Variants in ANKRD10 observed in about 807,000 individuals in gnomAD.
The protein encoded by ANKRD10 is ankyrin repeat domain-containing protein 10.
ANKRD10 carries 14 observed loss-of-function variants against 27.0 expected under a neutral mutation model. The ratio of observed to expected loss-of-function variants is 0.52; its 90% CI spans 0.34 to 0.81. The LOEUF (loss-of-function observed/expected upper bound fraction) is 0.81. Among genes scored for constraint, ANKRD10 ranks in the 40% least tolerant of loss-of-function variants. The pLI is 0.01. For missense variants in ANKRD10, 493 were observed against 544.0 expected (o/e 0.91, Z 0.93); for synonymous variants, 250 against 224.5 (o/e 1.11, Z -1.01).
rs1189391705 is a variant in ANKRD10 at position 110,878,669 on chromosome 13, A to T, written c.*968T>A. The T allele has an allele frequency of 6.5e-6, 1 of 152,676 alleles. No homozygotes were observed. Among genetic ancestry groups the T allele is most frequent in the African/African-American group, 2.4e-5 (1 of 41,462 alleles). 9.5% of individuals were successfully genotyped at this position (152,676 alleles called of 1,614,324 possible). ...CAATTTTTATTACAAAAATCAAAAA[A>T]GTAAAAATTCATTACAATATTTGCA... On this transcript the variant is annotated 3_prime_UTR_variant, in exon 6 of 6. Transcript: ENST00000267339.
intron 1 of ANKRD10, among the ~76,000 whole-genome samples, chr13:110,913,453 C>T (rs1393860806): frequency 6.6e-6 from 1 of 152,238 alleles, no homozygotes; most frequent in Admixed American, 6.5e-5. Context: ...ACTTCAGAGA[C>T]AGTGCCACAG....
At chr13:110,894,182 A>G in intron 3 of ANKRD10, 3 of 1,612,070 alleles carry the variant, frequency 1.9e-6, no homozygotes, top group Non-Finnish European at 2.5e-6. Context: ...ACAAGAATGT[A>G]CACTGCTCTG....
intron 3 of ANKRD10, chr13:110,893,967 GAACCA>G (rs2065150672): frequency 1.7e-6 from 1 of 593,542 alleles, no homozygotes; most frequent in East Asian, 2.9e-5. Context: ...CCACTCACAA[GAACCA>G]AAGTTTTACC....
intron 4 of ANKRD10, among the ~76,000 whole-genome samples, chr13:110,891,008 C>T (rs1011489030): frequency 2.7e-5 from 4 of 148,252 alleles, no homozygotes; most frequent in Non-Finnish European, 3.1e-5. Context: ...TTCAACTGAC[C>T]TTAGAAACTC....
intron 3 of ANKRD10, among the ~76,000 whole-genome samples, chr13:110,898,750 CTTTTTTTTTT>C (rs56176208): frequency 5.6e-5 from 6 of 106,558 alleles, no homozygotes; most frequent in South Asian, 6.1e-4. Flanking sequence ...TTTTTCTTTT[CTTTTTTTTTT>C]TTTTTTTTTT....
intron 2 of ANKRD10, among the ~76,000 whole-genome samples, chr13:110,908,527 G>C (rs2138886157): frequency 6.6e-6 from 1 of 152,268 alleles, no homozygotes; most frequent in South Asian, 2.1e-4. Context: ...TAACAGACTA[G>C]AAATTGGCTT....
intron 5 of ANKRD10, among the ~76,000 whole-genome samples, chr13:110,880,632 T>TA (rs147851327): frequency 0.02 from 3,040 of 152,314 alleles, 97 homozygotes; most frequent in African/African-American, 0.069. Context: ...ATGAGGTTTT[T>TA]AAAAAATCTT....
At chr13:110,885,286 C>T (rs2064898873) in intron 4 of ANKRD10, among the ~76,000 whole-genome samples, 1 of 151,998 alleles carries the variant, frequency 6.6e-6, no homozygotes. Flanking sequence ...GGCATGGTGG[C>T]TCATGCCTGT....
chr13:110,894,055 A>G, intron 3 of ANKRD10: 1 of 1,266,520 alleles, frequency 7.9e-7, no homozygotes, highest in Non-Finnish European at 1.1e-6. Context: ...GTAGGAAGTG[A>G]TGGCAGAGTA....
chr13:110,913,010 A>C (rs1474008797), intron 1 of ANKRD10, among the ~76,000 whole-genome samples: 1 of 152,262 alleles, frequency 6.6e-6, no homozygotes, highest in Non-Finnish European at 1.5e-5. Flanking sequence ...GTCCCATGGA[A>C]GTAGACTTTT....
chr13:110,889,235 GCAT>G (rs1451090253), intron 4 of ANKRD10, among the ~76,000 whole-genome samples: 1 of 152,152 alleles, frequency 6.6e-6, no homozygotes, highest in Admixed American at 6.5e-5. Context: ...TGAAGCCCAT[GCAT>G]CATACCATCA....
At position 110,894,185 on chromosome 13, in the gene ANKRD10, C is replaced by T. The variant is rs188481938; in HGVS notation, c.456-922G>A. On this transcript the variant is annotated intron_variant, in intron 3 of 5. Coordinates refer to ENST00000267339, the MANE Select transcript of ANKRD10 (RefSeq NM_017664.4). Reference sequence around the variant, plus strand: ...TTCCCCTGGAAGACAAGAATGTACACTGCTCTGTGAAATAAACCTGTAAAA... The same window carrying T: ...TTCCCCTGGAAGACAAGAATGTACATTGCTCTGTGAAATAAACCTGTAAAA... The T allele has an allele frequency of 3.8e-5, 61 of 1,611,834 alleles. No homozygotes were observed. The Admixed American group carries it at 7.5e-4, about 20-fold the overall frequency.
In ANKRD10 at chr13:110,879,109, T is replaced by A. The variant is rs1282036355; in HGVS notation, c.*528A>T. The stretch of plus-strand genomic sequence containing the variant: ...TAAAACCTTCAACCACATGGTGATC[T>A]GCAAAGCTTCATTGAAAAAGACAAA... On this transcript the variant is annotated 3_prime_UTR_variant, in exon 6 of 6. Transcript: ENST00000267339. 6.2e-6 allele frequency: 1 copy of A among 161,004 alleles called. No homozygotes were observed. Among genetic ancestry groups the A allele is most frequent in the Non-Finnish European group, 1.4e-5 (1 of 72,224 alleles). 10.0% of individuals were successfully genotyped at this position (161,004 alleles called of 1,614,324 possible).
intron 4 of ANKRD10, among the ~76,000 whole-genome samples, chr13:110,884,714 A>T (rs1370649480): frequency 6.6e-6 from 1 of 152,186 alleles, no homozygotes; most frequent in Non-Finnish European, 1.5e-5. Flanking sequence ...TGAATACCAC[A>T]ATTAACATAC....
chr13:110,881,465 C>CT (rs3839994), intron 5 of ANKRD10, among the ~76,000 whole-genome samples: 78 of 151,874 alleles, frequency 5.1e-4, no homozygotes, highest in African/African-American at 1.5e-3. Flanking sequence ...ATTAATCATC[C>CT]TTTTTTTTTA....
At position 110,914,818 on chromosome 13, in the gene ANKRD10, G is replaced by C; in HGVS notation, c.117C>G (p.Cys39Trp). 6.3e-7 allele frequency: 1 copy of C among 1,588,976 alleles called. No individual in the cohort carries two copies. Among genetic ancestry groups the C allele is most frequent in the Middle Eastern group, 1.7e-4 (1 of 5,752 alleles). ...ACRDGDLATL[C>W]SLLQQTPHAH... Reference sequence around the variant, plus strand: ...CGTGGGGTGTCTGCTGCAGCAGCGAGCAGAGCGTGGCCAGGTCCCCGTCGC... The same window carrying C: ...CGTGGGGTGTCTGCTGCAGCAGCGACCAGAGCGTGGCCAGGTCCCCGTCGC... The change falls in exon 1 of 6, where the codon TGC becomes TGG. Residue 39 changes from cysteine to tryptophan, a missense_variant. Physicochemically the swap from Cys to Trp is radical, Grantham distance 215 (BLOSUM62 -2). Transcript: ENST00000267339.
intron 4 of ANKRD10, among the ~76,000 whole-genome samples, chr13:110,885,805 C>G (rs2064914528): frequency 6.6e-6 from 1 of 152,160 alleles, no homozygotes; most frequent in Non-Finnish European, 1.5e-5. Context: ...GCTTAAAATA[C>G]CTACACACTC....
At chr13:110,894,410 A>AAAAAAC (rs1305707594) in intron 3 of ANKRD10, 1 of 278,416 alleles carries the variant, frequency 3.6e-6, no homozygotes, top group Non-Finnish European at 6.7e-6. Context: ...ATGCAAAAAA[A>AAAAAAC]AAAAAAAAAA....
At chr13:110,905,347 C>T (rs1271258104) in intron 3 of ANKRD10, 2 of 152,108 alleles carry the variant, frequency 1.3e-5, no homozygotes, top group East Asian at 3.9e-4. Flanking sequence ...TATAAGATCT[C>T]ATTTCTAAAA....
Sources: allele counts gnomAD v4.1 joint callset (sites outside exome capture counted in the v4.1 genomes callset), GRCh38; gene constraint gnomAD v4.1.1; transcripts MANE v1.5; gene names NCBI Gene and HGNC (gene_info 2026-07-23, HGNC 2026-07-21).